PON1: variants seen among roughly 807,000 people sequenced by gnomAD.
PON1 encodes serum paraoxonase/arylesterase 1.
A neutral mutation model predicts 39.2 loss-of-function variants in PON1; 37 were observed. That is an observed-to-expected ratio of 0.94 (90% CI 0.73 to 1.24). The LOEUF is 1.24. Among genes scored for constraint, PON1 ranks in the 50% most tolerant of loss-of-function variants. PON1 has a pLI of 0.00. For missense variants in PON1, 397 were observed against 413.5 expected, an observed-to-expected ratio of 0.96 and a Z score of 0.35; for synonymous variants, 148 against 152.2, an observed-to-expected ratio of 0.97 and a Z score of 0.21.
chr7:95,304,832 T>C (rs1194687658), intron 7 of PON1, among the ~76,000 whole-genome samples: 2 of 152,260 alleles, frequency 1.3e-5, no homozygotes, highest in Non-Finnish European at 1.5e-5. Flanking sequence ...TTTTGGGGTT[T>C]TCATGATGGG....
chr7:95,302,541 T>G lies in PON1; in HGVS notation c.781-208A>C, dbSNP rs1035543115. ...TATTTTGTCAGTTTCCAGGGCAGAA[T>G]TGGGTAGGGTGAAGATACAGAAAGC... is the stretch of plus-strand genomic sequence containing the variant. On this transcript the variant is annotated intron_variant, in intron 7 of 8. Transcript: ENST00000222381. The G allele has an allele frequency of 1.1e-5, 6 of 560,168 alleles. No individual in the cohort carries two copies. In the East Asian group the frequency reaches 1.9e-4, roughly 18 times the overall value. 34.7% of individuals were successfully genotyped at this position (560,168 alleles called of 1,614,324 possible).
chr7:95,315,729 A>T (rs1029510726), intron 3 of PON1, among the ~76,000 whole-genome samples: 1 of 152,210 alleles, frequency 6.6e-6, no homozygotes, highest in African/African-American at 2.4e-5. Context: ...GCAAAGTCAT[A>T]TGTGCACGAC....
Position 95,321,194 on chromosome 7 carries a change from T to G in PON1, c.75-2801A>C, listed in dbSNP as rs3917484. Among the ~76,000 whole-genome samples, 1,507 of 151,986 alleles carry G rather than the reference T, an allele frequency of 9.9e-3. 25 individuals are homozygous for G. Among genetic ancestry groups the G allele is most frequent in the African/African-American group, 0.034 (1,418 of 41,414 alleles). On this transcript the variant is annotated intron_variant, in intron 1 of 8. Transcript: ENST00000222381. Reference sequence around the variant, plus strand: ...GAGAATTCACTCACTCCCAAGGAGGTCATTAATCTATTCATGAGGGATCCA... The same window carrying G: ...GAGAATTCACTCACTCCCAAGGAGGGCATTAATCTATTCATGAGGGATCCA...
At chr7:95,300,561 G>A (rs1403663566) in intron 8 of PON1, among the ~76,000 whole-genome samples, 1 of 152,220 alleles carries the variant, frequency 6.6e-6, no homozygotes, top group African/African-American at 2.4e-5. Context: ...GGAAATAGTT[G>A]ATGGTACACC....
At chr7:95,300,406 C>T (rs978876904) in intron 8 of PON1, among the ~76,000 whole-genome samples, 4 of 152,190 alleles carry the variant, frequency 2.6e-5, no homozygotes, top group South Asian at 2.1e-4. Flanking sequence ...AGGATATCTA[C>T]ATCACAAATG....
In PON1 at chr7:95,297,970, C is replaced by A; in HGVS notation, c.*974G>T. The A allele has an allele frequency of 6.6e-6, 1 of 152,152 alleles. No homozygotes were observed. Among genetic ancestry groups the A allele is most frequent in the African/African-American group, 2.4e-5 (1 of 41,438 alleles). 9.4% of individuals were successfully genotyped at this position (152,152 alleles called of 1,614,324 possible). A position where few individuals can be genotyped will look rare whatever the true frequency, so the allele number is the denominator to read the frequency against. ...GATAAAGTCATGTTTTCTTCCTAGT[C>A]ATGTCTCAGTAGATAGCCAAAGGGG... On this transcript the variant is annotated 3_prime_UTR_variant, in exon 9 of 9. Transcript: ENST00000222381.
chr7:95,298,038 ATTT>A lies in PON1; in HGVS notation c.*903_*905del, dbSNP rs199700441. On this transcript the variant is annotated 3_prime_UTR_variant, in exon 9 of 9. Transcript: ENST00000222381. ...TTATTTGTTTGTTTACCTTTCTATTATTTTTTTTCTTTTCAGCCTCCACAACAA... is the reference window on the plus strand; with the variant it reads ...TTATTTGTTTGTTTACCTTTCTATTATTTTTCTTTTCAGCCTCCACAACAA... 6.6e-6 allele frequency: 1 copy of A among 151,700 alleles called. No individual in the cohort carries two copies. The highest frequency in any genetic ancestry group is 2.4e-5 in the African/African-American group (1 of 41,260). 9.4% of individuals were successfully genotyped at this position (151,700 alleles called of 1,614,324 possible). A position where few individuals can be genotyped will look rare whatever the true frequency, so the allele number is the denominator to read the frequency against.
chr7:95,300,771 A>G (rs955702421), intron 8 of PON1, among the ~76,000 whole-genome samples: 1 of 152,220 alleles, frequency 6.6e-6, no homozygotes, highest in African/African-American at 2.4e-5. Flanking sequence ...AGCAAGAACA[A>G]ATTAGAATCT....
chr7:95,323,480 T>G (rs1270016694), intron 1 of PON1, among the ~76,000 whole-genome samples: 3 of 152,160 alleles, frequency 2.0e-5, no homozygotes, highest in African/African-American at 7.2e-5. Context: ...AAGCTTCTAA[T>G]TAGTCCATAA....
intron 4 of PON1, among the ~76,000 whole-genome samples, chr7:95,312,915 G>A (rs1807687274): frequency 6.6e-6 from 1 of 152,242 alleles, no homozygotes; most frequent in Non-Finnish European, 1.5e-5. Context: ...GAGTGGGAGA[G>A]TGAGAGGGCT....
At chr7:95,300,091 T>C (rs1226143040) in intron 8 of PON1, among the ~76,000 whole-genome samples, 1 of 152,208 alleles carries the variant, frequency 6.6e-6, no homozygotes, top group Non-Finnish European at 1.5e-5. Context: ...TCAGTTTCCT[T>C]CACTTAATTG....
chr7:95,323,059 C>T (rs935435442), intron 1 of PON1, among the ~76,000 whole-genome samples: 2 of 152,152 alleles, frequency 1.3e-5, no homozygotes, highest in African/African-American at 4.8e-5. Context: ...TCTCTAATCC[C>T]CCAGGGAGTT....
At chr7:95,310,610 G>C (rs997793938) in intron 5 of PON1, among the ~76,000 whole-genome samples, 3 of 152,094 alleles carry the variant, frequency 2.0e-5, no homozygotes, top group Non-Finnish European at 2.9e-5. Context: ...CAAACCACCA[G>C]ATAAGAAAGA....
In PON1 at chr7:95,298,995, C is replaced by T; in HGVS notation, c.1017G>A (p.Gly339=). ...GAAACACTGTGCCAATCAGCAGTTT[C>T]CCTTTGTACACAGAGGCAACTGTAC... ...QGSTVASVYK[G]KLLIGTVFHK... is the part of the protein sequence containing the mutation. The change falls in exon 9 of 9, where the codon GGG becomes GGA. Residue 339 remains glycine, a synonymous_variant. Transcript: ENST00000222381. The T allele has an allele frequency of 6.2e-7, 1 of 1,614,164 alleles. No individual in the cohort carries two copies. Among genetic ancestry groups the T allele is most frequent in the Non-Finnish European group, 8.5e-7 (1 of 1,180,030 alleles).
intron 6 of PON1, among the ~76,000 whole-genome samples, chr7:95,307,142 C>A (rs1807561102): frequency 6.6e-6 from 1 of 151,550 alleles, no homozygotes; most frequent in Non-Finnish European, 1.5e-5. Context: ...CTCACTGCAA[C>A]CTCCACCTCC....
intron 8 of PON1, 83 bp downstream of exon 8, chr7:95,302,106 AAAAAAAAAAAAAAAAC>A: frequency 1.3e-6 from 1 of 782,948 alleles, no homozygotes; most frequent in African/African-American, 1.9e-5. Flanking sequence ...CAAAAAAAAA[AAAAAAAAAAAAAAAAC>A]CAAGAATTGA....
chr7:95,301,898 C>T (rs760179454), intron 8 of PON1, among the ~76,000 whole-genome samples: 49 of 144,604 alleles, frequency 3.4e-4, no homozygotes, highest in Non-Finnish European at 4.9e-4. Flanking sequence ...CCATCCTGGC[C>T]AACAGGATGA....
At chr7:95,322,346 G>GTATATATATA (rs753285630) in intron 1 of PON1, among the ~76,000 whole-genome samples, 8 of 136,174 alleles carry the variant, frequency 5.9e-5, no homozygotes, top group African/African-American at 2.4e-4. Flanking sequence ...GTGTGTGTGT[G>GTATATATATA]TGTGTATATA....
chr7:95,306,182 C>T (rs879060502), intron 7 of PON1, 103 bp downstream of exon 7: 4 of 997,122 alleles, frequency 4.0e-6, no homozygotes, highest in East Asian at 2.4e-5. Context: ...AATTGGTTCT[C>T]ACCCACCCCA....
Sources: allele counts gnomAD v4.1 joint callset (sites outside exome capture counted in the v4.1 genomes callset), GRCh38; gene constraint gnomAD v4.1.1; transcripts MANE v1.5; gene names NCBI Gene and HGNC (gene_info 2026-07-23, HGNC 2026-07-21).